Variants in PDE1C observed in about 807,000 individuals in gnomAD.
PDE1C encodes the protein dual specificity calcium/calmodulin-dependent 3',5'-cyclic nucleotide phosphodiesterase 1C.
Under a neutral mutation model 93.1 loss-of-function variants are expected in PDE1C, and 62 were observed. That is an observed-to-expected ratio of 0.67 (90% CI 0.54 to 0.82). The LOEUF (loss-of-function observed/expected upper bound fraction) is 0.82. PDE1C is among the 40% of genes least tolerant of loss of function. The pLI is 0.00. For missense variants in PDE1C, 742 were observed against 884.6 expected (o/e 0.84, Z 2.04); for synonymous variants, 325 against 310.1 (o/e 1.05, Z -0.50).
chr7:32,221,394 C>T (rs939074504), intron 1 of PDE1C, among the ~76,000 whole-genome samples: 2 of 152,146 alleles, frequency 1.3e-5, no homozygotes, highest in Non-Finnish European at 2.9e-5. Context: ...ATCATACGCC[C>T]CACAGCCATC....
intron 1 of PDE1C, among the ~76,000 whole-genome samples, chr7:32,426,533 G>T (rs1419965912): frequency 6.6e-6 from 1 of 151,952 alleles, no homozygotes; most frequent in Non-Finnish European, 1.5e-5. Context: ...TCAAAGGGCT[G>T]GGATCACTGC....
intron 3 of PDE1C, among the ~76,000 whole-genome samples, chr7:32,112,865 T>G (rs865895272): frequency 1.4e-4 from 20 of 144,800 alleles, no homozygotes; most frequent in Non-Finnish European, 2.7e-4. Flanking sequence ...TATATATATA[T>G]ATATATATCT....
chr7:32,361,429 G>T (rs1784134114), intron 1 of PDE1C, among the ~76,000 whole-genome samples: 1 of 152,226 alleles, frequency 6.6e-6, no homozygotes, highest in African/African-American at 2.4e-5. Context: ...TTTTTGGATG[G>T]TTTATGAGTA....
intron 1 of PDE1C, among the ~76,000 whole-genome samples, chr7:32,211,675 G>C (rs1179186935): frequency 6.6e-6 from 1 of 152,048 alleles, no homozygotes; most frequent in Non-Finnish European, 1.5e-5. Context: ...AATTTCCATG[G>C]CCTTGAGTTC....
chr7:31,695,825 GT>G, the PDE1C span: 2 of 407,056 alleles, frequency 4.9e-6, no homozygotes, highest in African/African-American at 2.9e-5. Flanking sequence ...TACAATAAAA[GT>G]TTATTTTTTT....
At chr7:32,178,610 G>C (rs1357058217) in intron 2 of PDE1C, among the ~76,000 whole-genome samples, 1 of 152,086 alleles carries the variant, frequency 6.6e-6, no homozygotes, top group Admixed American at 6.5e-5. Flanking sequence ...CTCAGGTGCA[G>C]GAGGTGAGCA....
chr7:32,037,929 T>A (rs965972596), intron 2 of PDE1C, among the ~76,000 whole-genome samples: 2 of 152,162 alleles, frequency 1.3e-5, no homozygotes, highest in Non-Finnish European at 2.9e-5. Flanking sequence ...AAACATTCAG[T>A]ATGACTTATT....
the PDE1C span, among the ~76,000 whole-genome samples, chr7:31,666,362 A>G: frequency 6.6e-6 from 1 of 152,232 alleles, no homozygotes; most frequent in South Asian, 2.1e-4. Flanking sequence ...CCTTTCTCAT[A>G]CCGTCCTTTA....
At chr7:31,766,465 C>A (rs941709874) in intron 17 of PDE1C, among the ~76,000 whole-genome samples, 1 of 152,060 alleles carries the variant, frequency 6.6e-6, no homozygotes, top group Admixed American at 6.6e-5. Context: ...CCCATACTCT[C>A]AATAAAGTTT....
intron 2 of PDE1C, among the ~76,000 whole-genome samples, chr7:31,961,393 G>A (rs148071530): frequency 9.9e-4 from 150 of 152,058 alleles, no homozygotes; most frequent in African/African-American, 3.5e-3. Context: ...AATATATAAA[G>A]TATAATTGAA....
intron 6 of PDE1C, among the ~76,000 whole-genome samples, chr7:31,866,447 C>A (rs1371112725): frequency 6.6e-6 from 1 of 152,098 alleles, no homozygotes; most frequent in Non-Finnish European, 1.5e-5. Context: ...TGCACAGGAA[C>A]TTTGTTCCAA....
At chr7:31,900,033 C>T (rs190318432) in intron 2 of PDE1C, among the ~76,000 whole-genome samples, 1 of 152,162 alleles carries the variant, frequency 6.6e-6, no homozygotes, top group South Asian at 2.1e-4. Flanking sequence ...CAAGAAACCT[C>T]ACTCCAAGAA....
chr7:32,051,250 C>G (rs867192604), intron 2 of PDE1C, among the ~76,000 whole-genome samples: 1 of 152,244 alleles, frequency 6.6e-6, no homozygotes, highest in South Asian at 2.1e-4. Flanking sequence ...AAACCTTCAG[C>G]CCCCGCCAGC....
At chr7:31,862,571 G>T (rs960491752) in intron 7 of PDE1C, among the ~76,000 whole-genome samples, 3 of 152,148 alleles carry the variant, frequency 2.0e-5, no homozygotes, top group African/African-American at 7.2e-5. Flanking sequence ...TGGATTTATA[G>T]ATGACTGTGT....
intron 1 of PDE1C, among the ~76,000 whole-genome samples, chr7:32,341,387 G>A (rs868154818): frequency 6.6e-6 from 1 of 150,600 alleles, no homozygotes; most frequent in African/African-American, 2.4e-5. Flanking sequence ...GTGTTAGCCA[G>A]GATGGTCTCG....
intron 11 of PDE1C, among the ~76,000 whole-genome samples, chr7:31,832,564 T>C (rs778423661): frequency 2.0e-5 from 3 of 152,212 alleles, no homozygotes; most frequent in Non-Finnish European, 4.4e-5. Flanking sequence ...ATTTGAATTG[T>C]CCAATTTAAA....
At chr7:31,796,712 T>G (rs933883790) in intron 16 of PDE1C, among the ~76,000 whole-genome samples, 1 of 151,724 alleles carries the variant, frequency 6.6e-6, no homozygotes, top group African/African-American at 2.4e-5. Context: ...GATTGGTTAA[T>G]AGATTTTCCC....
chr7:32,371,706 A>G (rs1217127702), intron 1 of PDE1C, among the ~76,000 whole-genome samples: 1 of 152,230 alleles, frequency 6.6e-6, no homozygotes, highest in East Asian at 1.9e-4. Flanking sequence ...TGAAAGACTT[A>G]CATAAATGGA....
At chr7:32,109,331 C>T (rs1035641844) in intron 3 of PDE1C, among the ~76,000 whole-genome samples, 1 of 152,094 alleles carries the variant, frequency 6.6e-6, no homozygotes, top group Admixed American at 6.6e-5. Context: ...TATGTAAGGA[C>T]AGATGTTTAT....
Sources: gnomAD v4.1 joint callset for allele counts (sites outside exome capture counted in the v4.1 genomes callset) on GRCh38, gnomAD v4.1.1 for gene constraint, MANE v1.5 for transcripts, NCBI Gene and HGNC (gene_info 2026-07-23, HGNC 2026-07-21) for gene names.